The following NF1 variants were observed in gnomAD, a reference collection of about 807,000 sequenced individuals.
NF1 encodes neurofibromin 1, also known as neurofibromin.
In NF1, 122 loss-of-function variants were observed where a neutral mutation model predicts 325.7. That is an observed-to-expected ratio of 0.37 (90% CI 0.32 to 0.44). The LOEUF (loss-of-function observed/expected upper bound fraction) is 0.44, where lower values mean the gene tolerates loss of function less well. NF1 is among the 20% of genes least tolerant of loss of function. The pLI, the probability that NF1 is intolerant of heterozygous loss-of-function variation, is 1.00. For missense variants in NF1, 2,140 were observed against 3,415.4 expected (o/e 0.63, Z 9.31); for synonymous variants, 1,091 against 1,186.0 (o/e 0.92, Z 1.65).
intron 31 of NF1, 115 bp from the exon 32 acceptor site, chr17:31,258,229 C>A: frequency 1.8e-6 from 2 of 1,086,144 alleles, no homozygotes; most frequent in Non-Finnish European, 1.4e-6. Flanking sequence ...ATATGTCATT[C>A]ATGAGGACTG....
intron 1 of NF1, among the ~76,000 whole-genome samples, chr17:31,118,897 A>T (rs938205660): frequency 6.7e-6 from 1 of 149,154 alleles, no homozygotes; most frequent in African/African-American, 2.5e-5. Context: ...ACTAATTTAC[A>T]CTCCCACCAA....
intron 8 of NF1, among the ~76,000 whole-genome samples, chr17:31,196,358 CTG>C (rs907172903): frequency 2.6e-5 from 4 of 152,026 alleles, no homozygotes; most frequent in South Asian, 2.1e-4. Flanking sequence ...TTTAAAAAAA[CTG>C]TAAAGTATTT....
chr17:31,367,923 T>G (rs1437984040), intron 57 of NF1, among the ~76,000 whole-genome samples: 1 of 151,588 alleles, frequency 6.6e-6, no homozygotes, highest in Non-Finnish European at 1.5e-5. Context: ...CACTCCAGCC[T>G]GAGTGACAGA....
At chr17:31,132,974 T>C (rs1466162210) in intron 1 of NF1, among the ~76,000 whole-genome samples, 2 of 152,206 alleles carry the variant, frequency 1.3e-5, no homozygotes, top group African/African-American at 2.4e-5. Flanking sequence ...GCCTTAATCT[T>C]ATGTTTAAAT....
chr17:31,306,351 A>T (rs137972690), intron 36 of NF1, among the ~76,000 whole-genome samples: 1 of 151,734 alleles, frequency 6.6e-6, no homozygotes, highest in South Asian at 2.1e-4. Context: ...CTTTGTCCTA[A>T]TTCTATTTGT....
rs768883989 is a variant in NF1, at chr17:31,219,025, C to G, written c.1548C>G (p.Pro516=). Residue 516 remains proline, a synonymous_variant, in exon 14 of 58, where the codon CCC becomes CCG. Transcript: ENST00000358273. ...TGCAGAATCCAAGAAAACAGGGGCC[C>G]GAAACCCAAGGCAGTACAGCAGAAT... is the stretch of plus-strand genomic sequence containing the variant. ...LLLCNPRKQG[P]ETQGSTAELI... is the part of the protein sequence containing the mutation. 15 of 1,613,222 alleles carry G rather than the reference C, an allele frequency of 9.3e-6. No individual in the cohort carries two copies. Among genetic ancestry groups the G allele is most frequent in the Admixed American group, 1.7e-5 (1 of 59,870 alleles).
chr17:31,240,447 A>G (rs1346050686), intron 29 of NF1, among the ~76,000 whole-genome samples: 1 of 152,218 alleles, frequency 6.6e-6, no homozygotes, highest in Non-Finnish European at 1.5e-5. Flanking sequence ...TCCGTTGTGT[A>G]TATGTACCAC....
At chr17:31,373,940 C>T (rs1597882864) in intron 57 of NF1, 73 bp from the exon 58 acceptor site, 5 of 1,572,832 alleles carry the variant, frequency 3.2e-6, no homozygotes, top group Non-Finnish European at 4.4e-6. Flanking sequence ...CGTTGTTAAG[C>T]GACACATGAC....
Position 31,259,108 on chromosome 17 carries a change from G to A in NF1, c.4409G>A (p.Ser1470Asn), listed in dbSNP as rs876660093. The A allele has an allele frequency of 1.3e-5, 21 of 1,603,184 alleles. No individual in the cohort carries two copies. The East Asian group carries it at 3.1e-4, about 24-fold the overall frequency. Residue 1470 changes from serine (S) to asparagine (N), a missense_variant, in exon 33 of 58, where the codon AGC becomes AAC. Ser to Asn is a conservative substitution (Grantham distance 46). Coordinates refer to ENST00000358273, the MANE Select transcript of NF1 (RefSeq NM_001042492.3). The stretch of plus-strand genomic sequence containing the variant: ...CGGCCTTTCAATGATTTTGTGAAAA[G>A]CAACTTTGATGCAGCACGCAGGTAA... ...HMRPFNDFVK[S>N]NFDAARRFFL...
rs201092029 is a variant in NF1, at chr17:31,231,690, C to CA, written c.3198-377dup. ...CATATTGTTTAGGGAATAACAACAA[C>CA]AAAAAATCTGTACATGTTGAGTACA... On this transcript the variant is annotated intron_variant, in intron 24 of 57. Transcript: ENST00000358273. Among the ~76,000 whole-genome samples, 139 of 152,136 alleles carry CA rather than the reference C, an allele frequency of 9.1e-4. No homozygotes were observed. In the East Asian group the frequency reaches 0.019, roughly 21 times the overall value.
intron 36 of NF1, among the ~76,000 whole-genome samples, chr17:31,301,418 A>G (rs2068571185): frequency 6.6e-6 from 1 of 151,830 alleles, no homozygotes; most frequent in African/African-American, 2.4e-5. Flanking sequence ...TTTGATATTT[A>G]TTTCTGGACT....
intron 28 of NF1, 62 bp from the exon 29 acceptor site, chr17:31,235,856 C>G (rs1479262002): frequency 1.2e-6 from 2 of 1,609,888 alleles, no homozygotes; most frequent in Non-Finnish European, 1.7e-6. Flanking sequence ...GGCTGATTGT[C>G]TTCTTTTAAG....
rs1341958948 is a variant in NF1 at position 31,376,279 on chromosome 17, T to C, written c.*2124T>C. On this transcript the variant is annotated 3_prime_UTR_variant, in exon 58 of 58. Coordinates refer to ENST00000358273, the MANE Select transcript of NF1 (RefSeq NM_001042492.3). ...TTGGTGCATATGATAGTGGGTGTTA[T>C]GCTATTTTGCTCTTCCCATCAAAAT... 1 of 232,924 alleles carries C rather than the reference T, an allele frequency of 4.3e-6. No individual in the cohort carries two copies. The highest frequency in any genetic ancestry group is 2.2e-5 in the African/African-American group (1 of 45,336). 14.4% of individuals were successfully genotyped at this position (232,924 alleles called of 1,614,324 possible).
rs17879167 is a variant in NF1, at chr17:31,191,459, A to G, written c.888+8794A>G. ...GAATACTATTCAGCAATAAAAAGGA[A>G]CTACTGACTCGGCAACATGTGTAAA... On this transcript the variant is annotated intron_variant, in intron 8 of 57. Transcript: ENST00000358273. 3.2e-3 allele frequency among the ~76,000 whole-genome samples: 492 copies of G among 152,296 alleles called. 2 individuals are homozygous for G. Among genetic ancestry groups the G allele is most frequent in the African/African-American group, 0.011 (469 of 41,560 alleles).
At chr17:31,167,480 G>A (rs1396832568) in intron 4 of NF1, among the ~76,000 whole-genome samples, 1 of 152,188 alleles carries the variant, frequency 6.6e-6, no homozygotes, top group African/African-American at 2.4e-5. Context: ...TTTGCAAATT[G>A]CACTAAATGA....
At chr17:31,210,510 G>A (rs1402396453) in intron 12 of NF1, among the ~76,000 whole-genome samples, 16 of 152,084 alleles carry the variant, frequency 1.1e-4, no homozygotes, top group Non-Finnish European at 1.6e-4. Flanking sequence ...GCTTGAACCC[G>A]GGAGGCGGAG....
At position 31,260,382 on chromosome 17, in the gene NF1, A is replaced by G. The variant is rs1060500362; in HGVS notation, c.4444A>G (p.Ile1482Val). The G allele has an allele frequency of 1.2e-6, 2 of 1,613,930 alleles. No individual in the cohort carries two copies. Among genetic ancestry groups the G allele is most frequent in the Non-Finnish European group, 1.7e-6 (2 of 1,179,930 alleles). ...GCATTTTTGAAGGTTTTTCCTTGAT[A>G]TAGCATCTGATTGTCCTACAAGTGA... ...FDAARRFFLD[I>V]ASDCPTSDAV... Residue 1482 changes from isoleucine (I) to valine (V), a missense_variant, in exon 34 of 58, where the codon ATA becomes GTA. Physicochemically the swap from Ile to Val is conservative, Grantham distance 29 (BLOSUM62 3). Transcript: ENST00000358273.
chr17:31,150,053 G>A (rs946107611), intron 1 of NF1, among the ~76,000 whole-genome samples: 1 of 152,108 alleles, frequency 6.6e-6, no homozygotes, highest in Non-Finnish European at 1.5e-5. Flanking sequence ...CTGCTGCTTC[G>A]CTTCCACATT....
intron 42 of NF1, among the ~76,000 whole-genome samples, 193 bp from the exon 43 acceptor site, chr17:31,337,175 G>A (rs889634687): frequency 3.3e-5 from 5 of 152,156 alleles, no homozygotes; most frequent in Non-Finnish European, 5.9e-5. Context: ...ACCATGTTCA[G>A]TTACCAGCAC....
Sources: gnomAD v4.1 joint callset for allele counts (sites outside exome capture counted in the v4.1 genomes callset) on GRCh38, gnomAD v4.1.1 for gene constraint, MANE v1.5 for transcripts, NCBI Gene and HGNC (gene_info 2026-07-23, HGNC 2026-07-21) for gene names.